Variants in POLDIP3 observed in about 807,000 individuals in gnomAD.
POLDIP3 encodes DNA polymerase delta interacting protein 3.
Under a neutral mutation model 45.1 loss-of-function variants are expected in POLDIP3, and 14 were observed. The ratio of observed to expected loss-of-function variants is 0.31; its 90% confidence interval spans 0.20 to 0.49. The LOEUF is 0.49. Among genes scored for constraint, POLDIP3 ranks in the 20% least tolerant of loss-of-function variants. POLDIP3 has a pLI of 0.99. For synonymous variants in POLDIP3, 223 were observed against 205.2 expected, an observed-to-expected ratio of 1.09 and a Z score of -0.74; for missense variants, 511 against 538.8, an observed-to-expected ratio of 0.95 and a Z score of 0.51.
chr22:42,612,085 CTGCCTGCACTCTT>C (rs1369559454), intron 1 of POLDIP3, among the ~76,000 whole-genome samples: 2 of 152,160 alleles, frequency 1.3e-5, no homozygotes, highest in African/African-American at 4.8e-5. Flanking sequence ...GCTAGTCTCT[CTGCCTGCACTCTT>C]TGCCCCAATC....
intron 3 of POLDIP3, 66 bp downstream of exon 3, chr22:42,601,904 G>T: frequency 6.5e-7 from 1 of 1,549,492 alleles, no homozygotes; most frequent in Non-Finnish European, 8.8e-7. Context: ...ATCAAAACAC[G>T]TGCACACCTA....
At chr22:42,588,022 C>G (rs1925421065) in intron 7 of POLDIP3, among the ~76,000 whole-genome samples, 1 of 151,750 alleles carries the variant, frequency 6.6e-6, no homozygotes, top group South Asian at 2.1e-4. Flanking sequence ...GGTAATAGCA[C>G]AAAAAAGAGG....
At chr22:42,612,858 T>G (rs2146841649) in intron 1 of POLDIP3, among the ~76,000 whole-genome samples, 1 of 152,106 alleles carries the variant, frequency 6.6e-6, no homozygotes, top group African/African-American at 2.4e-5. Context: ...CTTCTCACAT[T>G]TAATCCCGCT....
rs1430598079 is a variant in POLDIP3 at position 42,603,070 on chromosome 22, G to A, written c.150C>T (p.Phe50=). The change falls in exon 2 of 9, where the codon TTC becomes TTT. Residue 50 remains phenylalanine (F), a synonymous_variant. Transcript: ENST00000252115. ...TCTGCCGGGCATCAAATCTCTGCTG[G>A]AAGGTGGCTGTGCGTGTTGACTGGC... ...LLSQSTRTAT[F]QQRFDARQKI... is the part of the protein sequence containing the mutation. The A allele has an allele frequency of 6.2e-7, 1 of 1,614,180 alleles. No homozygotes were observed. The highest frequency in any genetic ancestry group is 1.1e-5 in the South Asian group (1 of 91,086).
At chr22:42,595,220 A>C (rs1284206123) in intron 6 of POLDIP3, among the ~76,000 whole-genome samples, 1 of 152,220 alleles carries the variant, frequency 6.6e-6, no homozygotes, top group African/African-American at 2.4e-5. Context: ...GCCCCCAGTA[A>C]AACCTTTGGG....
chr22:42,592,061 G>A lies in POLDIP3; in HGVS notation c.915C>T (p.Ala305=), dbSNP rs1396587265. The A allele has an allele frequency of 1.9e-6, 3 of 1,614,084 alleles. No individual in the cohort carries two copies. Among genetic ancestry groups the A allele is most frequent in the Admixed American group, 1.7e-5 (1 of 60,004 alleles). ...GATGGACCAGTCGAGCTCGCTTGAGGGCCCCACACACACAGAAAAGCTCCT... is the reference window on the plus strand; with the variant it reads ...GATGGACCAGTCGAGCTCGCTTGAGAGCCCCACACACACAGAAAAGCTCCT... ...DIVELFCVCG[A]LKRARLVHPG... The change falls in exon 7 of 9, where the codon GCC becomes GCT. Residue 305 remains alanine (A), a synonymous_variant. Transcript: ENST00000252115.
chr22:42,589,888 T>C (rs531255807), intron 7 of POLDIP3, among the ~76,000 whole-genome samples: 7 of 84,354 alleles, frequency 8.3e-5, no homozygotes, highest in South Asian at 9.5e-4. Context: ...CAATACTAGA[T>C]AGAACCAAGC....
In POLDIP3 at chr22:42,596,372, G is replaced by A. The variant is rs746887738; in HGVS notation, c.634-7C>T. The A allele has an allele frequency of 3.1e-6, 5 of 1,611,840 alleles. No individual in the cohort carries two copies. Among genetic ancestry groups the A allele is most frequent in the Middle Eastern group, 1.7e-4 (1 of 6,054 alleles). On this transcript the variant is annotated splice_region_variant and splice_polypyrimidine_tract_variant and intron_variant, in intron 4 of 8. Coordinates refer to ENST00000252115, the MANE Select transcript of POLDIP3 (RefSeq NM_032311.5). ...TGGAACTGCTTAGCCCAGCCTAAACGAAGAGACAGAAAAGAATCTGAGAAG... is the reference window on the plus strand; with the variant it reads ...TGGAACTGCTTAGCCCAGCCTAAACAAAGAGACAGAAAAGAATCTGAGAAG...
At chr22:42,611,577 A>G (rs1302785009) in intron 1 of POLDIP3, among the ~76,000 whole-genome samples, 1 of 152,232 alleles carries the variant, frequency 6.6e-6, no homozygotes, top group Non-Finnish European at 1.5e-5. Context: ...CCAAGTACGC[A>G]GATTCTTCTA....
In POLDIP3 at chr22:42,591,992, G is replaced by A. The variant is rs1198627280; in HGVS notation, c.984C>T (p.Ile328=). 1.2e-6 allele frequency: 2 copies of A among 1,614,240 alleles called. No individual in the cohort carries two copies. Among genetic ancestry groups the A allele is most frequent in the Admixed American group, 1.7e-5 (1 of 60,028 alleles). The change falls in exon 7 of 9, where the codon ATC becomes ATT. Residue 328 remains isoleucine, a synonymous_variant. Transcript: ENST00000252115. ...GGTTGTTGTACTTCTTATATGCGGT[G>A]ATGGCATCGTCCTTTTTCACAAACA... ...EVVFVKKDDA[I]TAYKKYNNRC...
chr22:42,612,146 A>G (rs1927161143), intron 1 of POLDIP3, among the ~76,000 whole-genome samples: 2 of 152,224 alleles, frequency 1.3e-5, no homozygotes, highest in Non-Finnish European at 2.9e-5. Flanking sequence ...TTTTCAAGCT[A>G]AAAATTGAAT....
intron 8 of POLDIP3, 102 bp downstream of exon 8, chr22:42,587,404 A>AT (rs1181257642): frequency 1.7e-6 from 2 of 1,202,544 alleles, no homozygotes; most frequent in East Asian, 4.7e-5. Context: ...AGGAAACGGA[A>AT]TGGGGGGATG....
chr22:42,602,849 T>C lies in POLDIP3; in HGVS notation c.371A>G (p.Lys124Arg). ...VADAREKISLKRSSPAAFINP... is the reference protein window; with the variant it reads ...VADAREKISLRRSSPAAFINP... ...TATGAAGGCAGCAGGGGAACTCCTCTTCAAGCTGATCTTCTCCCGGGCATC... is the reference window on the plus strand; with the variant it reads ...TATGAAGGCAGCAGGGGAACTCCTCCTCAAGCTGATCTTCTCCCGGGCATC... Residue 124 changes from lysine to arginine, a missense_variant, in exon 2 of 9, where the codon AAG becomes AGG. Physicochemically the swap from Lys to Arg is conservative, Grantham distance 26. This residue lies in a region of POLDIP3 where 378 missense variants were observed against 352.3 expected (regional missense o/e 1.07). Coordinates refer to ENST00000252115, the MANE Select transcript of POLDIP3 (RefSeq NM_032311.5). 2 of 1,613,250 alleles carry C rather than the reference T, an allele frequency of 1.2e-6. No homozygotes were observed. Among genetic ancestry groups the C allele is most frequent in the Non-Finnish European group, 8.5e-7 (1 of 1,180,026 alleles).
At chr22:42,607,950 C>G (rs371681368) in intron 1 of POLDIP3, among the ~76,000 whole-genome samples, 22 of 151,414 alleles carry the variant, frequency 1.5e-4, no homozygotes, top group Non-Finnish European at 2.2e-4. Flanking sequence ...GGGCAGCCCC[C>G]GCACAGCCAG....
chr22:42,596,199 A>G lies in POLDIP3; in HGVS notation c.800T>C (p.Leu267Pro). 6.2e-7 allele frequency: 1 copy of G among 1,614,138 alleles called. No homozygotes were observed. Among genetic ancestry groups the G allele is most frequent in the Non-Finnish European group, 8.5e-7 (1 of 1,180,008 alleles). ...CCATCACCTCACCTCAGCAGCTGGCAGCTCTTTGGGGGGTTCTTCCTTGTT... is the reference window on the plus strand; with the variant it reads ...CCATCACCTCACCTCAGCAGCTGGCGGCTCTTTGGGGGGTTCTTCCTTGTT... The part of the protein sequence containing the change: ...LVNKEEPPKE[L>P]PAAEPVLSPL... Residue 267 changes from leucine (L) to proline (P), a missense_variant, in exon 5 of 9, where the codon CTG (leucine) becomes CCG (proline). Transcript: ENST00000252115.
intron 4 of POLDIP3, among the ~76,000 whole-genome samples, chr22:42,598,249 ATTTT>A (rs34265457): frequency 3.3e-5 from 3 of 90,852 alleles, no homozygotes; most frequent in African/African-American, 9.2e-5. Context: ...CACCCCGGAT[ATTTT>A]TTTTTTTTTT....
In POLDIP3 at chr22:42,601,474, T is replaced by C. The variant is rs192964499; in HGVS notation, c.537+496A>G. Among the ~76,000 whole-genome samples the C allele has an allele frequency of 2.6e-4, 39 of 151,894 alleles. 1 individual carries two copies. Among genetic ancestry groups the C allele is most frequent in the Admixed American group, 2.5e-3 (38 of 15,260 alleles). ...GCCTCCCTTCCTCTATTAAGAAGTTTCTTCTTGGCTGGGTGTGGTGGCTCA... is the reference window on the plus strand; with the variant it reads ...GCCTCCCTTCCTCTATTAAGAAGTTCCTTCTTGGCTGGGTGTGGTGGCTCA... On this transcript the variant is annotated intron_variant, in intron 3 of 8. Coordinates refer to ENST00000252115, the MANE Select transcript of POLDIP3 (RefSeq NM_032311.5).
At position 42,585,136 on chromosome 22, in the gene POLDIP3, G is replaced by A. The variant is rs1601877393; in HGVS notation, c.*655C>T. 3 of 439,102 alleles carry A rather than the reference G, an allele frequency of 6.8e-6. No homozygotes were observed. The East Asian group carries it at 2.1e-4, about 30-fold the overall frequency. 27.2% of individuals were successfully genotyped at this position (439,102 alleles called of 1,614,324 possible). A position where few individuals can be genotyped will look rare whatever the true frequency, so the allele number is the denominator to read the frequency against. ...CTCTGGAGAACTTCCTCTGGGTGGA[G>A]ACGACACGGGACTCCAAGCCAAGAG... On this transcript the variant is annotated 3_prime_UTR_variant, in exon 9 of 9. Coordinates refer to ENST00000252115, the MANE Select transcript of POLDIP3 (RefSeq NM_032311.5).
intron 1 of POLDIP3, among the ~76,000 whole-genome samples, chr22:42,607,752 C>T (rs1448274746): frequency 3.3e-5 from 5 of 151,630 alleles, no homozygotes; most frequent in East Asian, 1.9e-4. Context: ...CGCCTCTGCC[C>T]GGCCGCGACC....
Sources: allele counts gnomAD v4.1 joint callset (sites outside exome capture counted in the v4.1 genomes callset), GRCh38; gene constraint gnomAD v4.1.1; regional missense constraint gnomAD v4.1.1; transcripts MANE v1.5; gene names NCBI Gene and HGNC (gene_info 2026-07-23, HGNC 2026-07-21).